Variants in TRIM43B observed in about 807,000 individuals in gnomAD.
TRIM43B encodes tripartite motif-containing protein 43B.
A neutral mutation model predicts 27.0 loss-of-function variants in TRIM43B; 15 were observed. The observed-to-expected ratio is 0.55, with a 90% CI of 0.37 to 0.85. The LOEUF is 0.85. TRIM43B is among the 40% of genes least tolerant of loss of function. TRIM43B has a pLI of 0.00. For synonymous variants in TRIM43B, 69 were observed against 97.8 expected (o/e 0.71, Z 1.74); for missense variants, 172 against 289.8 (o/e 0.59, Z 2.95).
At position 95,482,795 on chromosome 2, in the gene TRIM43B, G is replaced by A. The variant is rs546541731; in HGVS notation, c.-4-77C>T. On this transcript the variant is annotated intron_variant, in intron 1 of 6. Coordinates refer to ENST00000639673, the Ensembl canonical transcript of TRIM43B. ...ATCCAAGCAAAGTTTGAATCAGATCGTGATCGAATAATATCCTTTCTTTCT... is the reference window on the plus strand; with the variant it reads ...ATCCAAGCAAAGTTTGAATCAGATCATGATCGAATAATATCCTTTCTTTCT... 3.1e-4 allele frequency: 470 copies of A among 1,535,176 alleles called. 6 individuals are homozygous for A. In the South Asian group the frequency reaches 5.2e-3, roughly 17 times the overall value.
intron 2 of TRIM43B, among the ~76,000 whole-genome samples, chr2:95,482,085 C>A (rs549125435): frequency 6.6e-6 from 1 of 150,828 alleles, no homozygotes; most frequent in African/African-American, 2.4e-5. Context: ...ACTGTAGAGT[C>A]AATAATAATG....
intron 1 of TRIM43B, 143 bp from the exon 2 acceptor site, chr2:95,482,861 A>T: frequency 6.8e-7 from 1 of 1,472,734 alleles, no homozygotes; most frequent in Non-Finnish European, 9.0e-7. Flanking sequence ...AGAAATAGGA[A>T]AAATAGAAAA....
intron 1 of TRIM43B, among the ~76,000 whole-genome samples, chr2:95,483,032 G>A (rs1683564248): frequency 6.6e-6 from 1 of 152,064 alleles, no homozygotes; most frequent in Non-Finnish European, 1.5e-5. Context: ...TCATCAACCT[G>A]TAAACTCAAA....
Position 95,480,548 on chromosome 2 carries a change from G to A in TRIM43B, c.508-13C>T. 3 of 1,605,394 alleles carry A rather than the reference G, an allele frequency of 1.9e-6. No individual in the cohort carries two copies. Among genetic ancestry groups the A allele is most frequent in the Non-Finnish European group, 2.5e-6 (3 of 1,176,648 alleles). ...AAACCACATCGCCCTGTAGGGATAT[G>A]AATTTTGTAGGTTATATACCCAGGC... On this transcript the variant is annotated splice_polypyrimidine_tract_variant and intron_variant, in intron 3 of 6. Coordinates refer to ENST00000639673, the Ensembl canonical transcript of TRIM43B.
rs576185705 is a variant in TRIM43B, at chr2:95,480,199, C to T, written c.738+106G>A. The T allele has an allele frequency of 1.3e-5, 20 of 1,485,108 alleles. No homozygotes were observed. The African/African-American group carries it at 1.8e-4, about 14-fold the overall frequency. 92.0% of individuals were successfully genotyped at this position (1,485,108 alleles called of 1,614,324 possible). Reference sequence around the variant, plus strand: ...TATAACCGGTGGGAATGACTCTCACCGTCAGTGCAGGAGATGAGGAAATAA... The same window carrying T: ...TATAACCGGTGGGAATGACTCTCACTGTCAGTGCAGGAGATGAGGAAATAA... On this transcript the variant is annotated intron_variant, in intron 4 of 6. Coordinates refer to ENST00000639673, the Ensembl canonical transcript of TRIM43B.
At position 95,483,826 on chromosome 2, in the gene TRIM43B, TC is replaced by T. The variant is rs963280363; in HGVS notation, c.-5+779del. On this transcript the variant is annotated intron_variant, in intron 1 of 6. Coordinates refer to ENST00000639673, the Ensembl canonical transcript of TRIM43B. ...CTGGGTAACAGAGCAAGACTCTGTCTCCCCCCCAAAACAAAAACAAAAACAA... is the reference window on the plus strand; with the variant it reads ...CTGGGTAACAGAGCAAGACTCTGTCTCCCCCCAAAACAAAAACAAAAACAA... Among the ~76,000 whole-genome samples, 6 of 150,946 alleles carry T rather than the reference TC, an allele frequency of 4.0e-5. No homozygotes were observed. The Middle Eastern group carries it at 0.01, about 258-fold the overall frequency.
At chr2:95,480,757 A>G (rs577979263) in intron 3 of TRIM43B, among the ~76,000 whole-genome samples, 117 of 152,246 alleles carry the variant, frequency 7.7e-4, no homozygotes, top group African/African-American at 2.6e-3. Flanking sequence ...CGGAAATACA[A>G]TTAGAAAACA....
chr2:95,481,713 A>G (rs769728981), intron 2 of TRIM43B, 23 bp from the exon 3 acceptor site: 37 of 1,606,242 alleles, frequency 2.3e-5, no homozygotes, highest in African/African-American at 2.7e-5. Context: ...TAAAGGTTGA[A>G]CAGAAAGTCA....
chr2:95,482,303 C>T lies in TRIM43B; in HGVS notation c.411+1G>A, dbSNP rs749100104. On this transcript the variant is annotated splice_donor_variant, in intron 2 of 6. Coordinates refer to ENST00000639673, the Ensembl canonical transcript of TRIM43B. LOFTEE classifies it high-confidence loss of function. Reference sequence around the variant, plus strand: ...CAGGTGATCACAGAGCTATCTCTTACCCGGTCTTCCTCAGCTGCCTCTTCG... The same window carrying T: ...CAGGTGATCACAGAGCTATCTCTTATCCGGTCTTCCTCAGCTGCCTCTTCG... 7.5e-5 allele frequency: 121 copies of T among 1,611,434 alleles called. No individual in the cohort carries two copies. The highest frequency in any genetic ancestry group is 1.0e-4 in the Non-Finnish European group (118 of 1,179,730).
chr2:95,483,796 C>A (rs191769792), intron 1 of TRIM43B, among the ~76,000 whole-genome samples: 1 of 152,006 alleles, frequency 6.6e-6, no homozygotes, highest in African/African-American at 2.4e-5. Flanking sequence ...CCACAGCACT[C>A]CAGTCTGGGT....
chr2:95,483,583 C>T (rs941843266), intron 1 of TRIM43B, among the ~76,000 whole-genome samples: 1 of 151,250 alleles, frequency 6.6e-6, no homozygotes, highest in African/African-American at 2.4e-5. Context: ...CTTTGGGAGG[C>T]CGAGGTGGCT....
At chr2:95,484,570 TA>T (rs1214494161) in intron 1 of TRIM43B, 35 bp downstream of exon 1, 1 of 152,158 alleles carries the variant, frequency 6.6e-6, no homozygotes, top group East Asian at 1.9e-4. Flanking sequence ...GTTTGTAACC[TA>T]ATAGTAGATC....
intron 4 of TRIM43B, 91 bp downstream of exon 4, chr2:95,480,214 T>G: frequency 6.7e-7 from 1 of 1,495,932 alleles, no homozygotes; most frequent in Admixed American, 2.3e-5. Flanking sequence ...GTGCAGGAGA[T>G]GAGGAAATAA....
At chr2:95,481,445 G>A (rs1371079332) in intron 3 of TRIM43B, 150 bp downstream of exon 3, 18 of 551,392 alleles carry the variant, frequency 3.3e-5, no homozygotes, top group African/African-American at 9.7e-5. Context: ...CTGAACAATC[G>A]TTATGTTGAA....
intron 1 of TRIM43B, 115 bp from the exon 2 acceptor site, chr2:95,482,833 G>C (rs1683559418): frequency 1.3e-6 from 2 of 1,519,798 alleles, no homozygotes; most frequent in Admixed American, 2.3e-5. Flanking sequence ...AGAAGTATAG[G>C]TTTTAATTTG....
At chr2:95,483,496 G>A (rs188953229) in intron 1 of TRIM43B, among the ~76,000 whole-genome samples, 3,532 of 152,086 alleles carry the variant, frequency 0.023, 141 homozygotes, top group African/African-American at 0.081. Context: ...CTTTCACACA[G>A]TCAGGAAAAG....
At chr2:95,483,949 C>T (rs993388957) in intron 1 of TRIM43B, among the ~76,000 whole-genome samples, 2 of 151,620 alleles carry the variant, frequency 1.3e-5, no homozygotes, top group African/African-American at 4.8e-5. Flanking sequence ...TGACTCAAGC[C>T]TGTAATCCCA....
intron 1 of TRIM43B, among the ~76,000 whole-genome samples, chr2:95,484,267 G>C (rs2104403571): frequency 6.6e-6 from 1 of 152,018 alleles, no homozygotes; most frequent in South Asian, 2.1e-4. Flanking sequence ...AGCTACTCTG[G>C]AGGCGGAGGC....
At chr2:95,481,455 A>G in intron 3 of TRIM43B, 140 bp downstream of exon 3, 1 of 598,916 alleles carries the variant, frequency 1.7e-6, no homozygotes, top group Non-Finnish European at 2.8e-6. Flanking sequence ...GTTATGTTGA[A>G]CAGTCTGGTT....
Sources: allele counts gnomAD v4.1 joint callset (sites outside exome capture counted in the v4.1 genomes callset), GRCh38; gene constraint gnomAD v4.1.1; transcripts MANE v1.5; gene names NCBI Gene and HGNC (gene_info 2026-07-23, HGNC 2026-07-21).